WDR81: variants seen among roughly 807,000 people sequenced by gnomAD.
WDR81 encodes WD repeat domain 81, also known as WD repeat-containing protein 81.
A neutral mutation model predicts 140.8 loss-of-function variants in WDR81; 92 were observed. The ratio of observed to expected loss-of-function variants is 0.65; its 90% CI spans 0.55 to 0.78. WDR81 has a LOEUF of 0.78. Ranked by LOEUF, WDR81 falls within the 30% of genes least tolerant of loss-of-function variation. The pLI, the probability that WDR81 is intolerant of heterozygous loss-of-function variation, is 0.00. For missense variants in WDR81, 2,502 were observed against 2,636.4 expected, an observed-to-expected ratio of 0.95 and a Z score of 1.12; for synonymous variants, 1,183 against 1,156.4, an observed-to-expected ratio of 1.02 and a Z score of -0.47.
intron 4 of WDR81, 57 bp downstream of exon 4, chr17:1,731,315 G>GA: frequency 6.4e-7 from 1 of 1,555,572 alleles, no homozygotes; most frequent in African/African-American, 1.4e-5. Context: ...GGCTGCCCAG[G>GA]AGGGGGTGGG....
upstream of WDR81, among the ~76,000 whole-genome samples, chr17:1,721,676 G>T (rs1434816692): frequency 6.6e-6 from 1 of 150,958 alleles, no homozygotes; most frequent in Non-Finnish European, 1.5e-5. Context: ...CAAAAAATTA[G>T]CTGGATGTGG....
In WDR81 at chr17:1,730,849, C is replaced by T. The variant is rs141295588; in HGVS notation, c.3870C>T (p.Ile1290=). Residue 1290 remains isoleucine (I), a synonymous_variant, in exon 3 of 10, where the codon ATC becomes ATT. Transcript: ENST00000409644. ...AGAAGAGGCCGGTCCTGGGCGACATCGTGTCAGGGCCTGTGCTCAGCTGCC... is the reference window on the plus strand; with the variant it reads ...AGAAGAGGCCGGTCCTGGGCGACATTGTGTCAGGGCCTGTGCTCAGCTGCC... ...IYQKRPVLGD[I]VSGPVLSCLL... 9.9e-6 allele frequency: 16 copies of T among 1,612,732 alleles called. No individual in the cohort carries two copies. The highest frequency in any genetic ancestry group is 9.3e-5 in the African/African-American group (7 of 74,946).
chr17:1,734,231 G>A lies in WDR81; in HGVS notation c.5179+15G>A, dbSNP rs371953584. The A allele has an allele frequency of 5.8e-6, 9 of 1,554,406 alleles. No homozygotes were observed. Among genetic ancestry groups the A allele is most frequent in the Middle Eastern group, 1.7e-4 (1 of 5,844 alleles). On this transcript the variant is annotated intron_variant, in intron 7 of 9. Transcript: ENST00000409644. Reference sequence around the variant, plus strand: ...CCCCTTCACAGGTGAGCGGGCCCAGGTGAGGCCTGTTCTCTTCCTGCTCCT... The same window carrying A: ...CCCCTTCACAGGTGAGCGGGCCCAGATGAGGCCTGTTCTCTTCCTGCTCCT...
At position 1,727,660 on chromosome 17, in the gene WDR81, C is replaced by T. The variant is rs541642687; in HGVS notation, c.2701C>T (p.Leu901=). 4.5e-6 allele frequency: 7 copies of T among 1,550,448 alleles called. No homozygotes were observed. The highest frequency in any genetic ancestry group is 4.1e-5 in the African/African-American group (3 of 73,052). The change falls in exon 1 of 10, where the codon CTG becomes TTG. Residue 901 remains leucine (L), a synonymous_variant. Coordinates refer to ENST00000409644, the MANE Select transcript of WDR81 (RefSeq NM_001163809.2). ...RVEDEAQGRE[L]VFALWQQLGA... is the part of the protein sequence containing the mutation. ...GGAGGACGAGGCCCAGGGGCGCGAG[C>T]TGGTGTTTGCTCTGTGGCAGCAGCT...
At chr17:1,731,021 A>AG in intron 3 of WDR81, 47 bp from the exon 4 acceptor site, 1 of 1,605,330 alleles carries the variant, frequency 6.2e-7, no homozygotes, top group Non-Finnish European at 8.5e-7. Flanking sequence ...TCTTGGTGCC[A>AG]GGGGGTCTGT....
At position 1,730,764 on chromosome 17, in the gene WDR81, G is replaced by A. The variant is rs553042970; in HGVS notation, c.3785G>A (p.Arg1262Gln). The change falls in exon 3 of 10, where the codon CGG (arginine) becomes CAG (glutamine). Residue 1262 changes from arginine (R) to glutamine (Q), a missense_variant. Around this residue, in one of 3 missense-constraint regions of WDR81, gnomAD observed 1,737 missense variants for 1,843.0 expected, o/e 0.94. Transcript: ENST00000409644. ...LLTSCYVGPT[R>Q]QQFTVSSGES... ...GGCCCTTCCGTGGCAGGACCCACTC[G>A]GCAGCAGTTCACAGTGAGCAGTGGC... 1.7e-5 allele frequency: 27 copies of A among 1,608,966 alleles called. No homozygotes were observed. The East Asian group carries it at 2.9e-4, about 17-fold the overall frequency.
Position 1,737,840 on chromosome 17 carries a change from T to TG in WDR81, c.*160dup. On this transcript the variant is annotated 3_prime_UTR_variant, in exon 10 of 10. Transcript: ENST00000409644. ...TGCCAACTAGGGCCTGCAAATGGAG[T>TG]GGGGGAGTCCTGGCCCCTGAATCAC... The TG allele has an allele frequency of 1.0e-6, 1 of 963,546 alleles. No homozygotes were observed. Among genetic ancestry groups the TG allele is most frequent in the Non-Finnish European group, 1.5e-6 (1 of 668,584 alleles). 59.7% of individuals were successfully genotyped at this position (963,546 alleles called of 1,614,324 possible). A position where few individuals can be genotyped will look rare whatever the true frequency, so the allele number is the denominator to read the frequency against.
upstream of WDR81, among the ~76,000 whole-genome samples, chr17:1,721,885 A>G (rs1914883987): frequency 6.6e-6 from 1 of 151,870 alleles, no homozygotes; most frequent in Non-Finnish European, 1.5e-5. Context: ...GCACTTTGGA[A>G]GGCCAAGGCA....
In WDR81 at chr17:1,728,100, G is replaced by A. The variant is rs1211466411; in HGVS notation, c.3141G>A (p.Gly1047=). ...PGAGPGSCAF[G]EEIPMDGEPP... ...CCGGGCCTGGCTCCTGTGCTTTTGGGGAGGAGATTCCCATGGATGGGGAGC... is the reference window on the plus strand; with the variant it reads ...CCGGGCCTGGCTCCTGTGCTTTTGGAGAGGAGATTCCCATGGATGGGGAGC... Residue 1047 remains glycine (G), a synonymous_variant, in exon 1 of 10, where the codon GGG becomes GGA. Transcript: ENST00000409644. The A allele has an allele frequency of 6.2e-7, 1 of 1,602,740 alleles. No individual in the cohort carries two copies. The highest frequency in any genetic ancestry group is 8.5e-7 in the Non-Finnish European group (1 of 1,175,026).
chr17:1,724,869 C>T lies in WDR81; in HGVS notation c.-91C>T. 1 of 1,263,394 alleles carries T rather than the reference C, an allele frequency of 7.9e-7. No homozygotes were observed. The highest frequency in any genetic ancestry group is 9.9e-7 in the Non-Finnish European group (1 of 1,006,354). 78.3% of individuals were successfully genotyped at this position (1,263,394 alleles called of 1,614,324 possible). On this transcript the variant is annotated 5_prime_UTR_variant, in exon 1 of 10. Transcript: ENST00000409644. The stretch of plus-strand genomic sequence containing the variant: ...CCCCAGCCCCTGTCCCGCGCCCATC[C>T]CAGCCCCGCCGGCCTGGCACCCCGG...
chr17:1,730,474 G>C lies in WDR81; in HGVS notation c.3762G>C (p.Thr1254=), dbSNP rs767972244. The C allele has an allele frequency of 5.0e-6, 8 of 1,612,900 alleles. No homozygotes were observed. Among genetic ancestry groups the C allele is most frequent in the Non-Finnish European group, 5.9e-6 (7 of 1,179,828 alleles). The part of the protein sequence containing the change: ...HVARNLLRLL[T]SCYVGPTRQQ... ...CCCGGAACCTGCTCCGCCTGCTGAC[G>C]TCTTGTTATGTTGGTAAGGAGGCCT... The change falls in exon 2 of 10, where the codon ACG becomes ACC. Residue 1254 remains threonine (T), a synonymous_variant. Coordinates refer to ENST00000409644, the MANE Select transcript of WDR81 (RefSeq NM_001163809.2).
At position 1,725,101 on chromosome 17, in the gene WDR81, GC is replaced by G; in HGVS notation, c.146del (p.Pro49ArgfsTer9). ...CATCGATCCCAGGCAGCTGGCTCCGGCCCCGGGGGGCACCCACGTGGTGGCC... is the reference window on the plus strand; with the variant it reads ...CATCGATCCCAGGCAGCTGGCTCCGGCCCGGGGGGCACCCACGTGGTGGCC... Reference protein sequence around the residue: ...LSIDPRQLAPAPGGTHVVALV... With the variant: ...LSIDPRQLAPXPGGTHVVALV... On this transcript the variant is annotated frameshift_variant, in exon 1 of 10. Coordinates refer to ENST00000409644, the MANE Select transcript of WDR81 (RefSeq NM_001163809.2). LOFTEE classifies it high-confidence loss of function. 2 of 1,507,052 alleles carry G rather than the reference GC, an allele frequency of 1.3e-6. No homozygotes were observed. 93.4% of individuals were successfully genotyped at this position (1,507,052 alleles called of 1,614,324 possible).
Position 1,725,271 on chromosome 17 carries a change from C to T in WDR81, c.312C>T (p.Arg104=), listed in dbSNP as rs1417237267. The change falls in exon 1 of 10, where the codon CGC becomes CGT. Residue 104 remains arginine, a synonymous_variant. Coordinates refer to ENST00000409644, the MANE Select transcript of WDR81 (RefSeq NM_001163809.2). ...AAAGGCTGCCTGCCGGCTGGACGCGCGTGGAGGTGCATGGGCTGCGGAAGC... is the reference window on the plus strand; with the variant it reads ...AAAGGCTGCCTGCCGGCTGGACGCGTGTGGAGGTGCATGGGCTGCGGAAGC... ...SVQRLPAGWT[R]VEVHGLRKRR... is the part of the protein sequence containing the mutation. 3 of 1,545,426 alleles carry T rather than the reference C, an allele frequency of 1.9e-6. No homozygotes were observed. Among genetic ancestry groups the T allele is most frequent in the African/African-American group, 2.7e-5 (2 of 73,070 alleles).
At chr17:1,718,115 A>ATTT (rs530920493) in intron 1 of WDR81, among the ~76,000 whole-genome samples, 1 of 141,074 alleles carries the variant, frequency 7.1e-6, no homozygotes, top group Non-Finnish European at 1.6e-5. Flanking sequence ...CTCCTTATTT[A>ATTT]TTTTTTTTTT....
At chr17:1,729,762 A>C (rs895581688) in intron 1 of WDR81, among the ~76,000 whole-genome samples, 3 of 152,058 alleles carry the variant, frequency 2.0e-5, no homozygotes, top group Non-Finnish European at 2.9e-5. Context: ...GGAGATTGAG[A>C]CCATCCTGGC....
At chr17:1,717,931 C>T (rs1457981305) in intron 1 of WDR81, among the ~76,000 whole-genome samples, 2 of 151,960 alleles carry the variant, frequency 1.3e-5, no homozygotes, top group African/African-American at 4.8e-5. Flanking sequence ...GGGGAGGGTA[C>T]AGTGAACCCG....
Position 1,735,538 on chromosome 17 carries a change from G to A in WDR81, c.5180-34G>A. On this transcript the variant is annotated intron_variant, in intron 7 of 9. Transcript: ENST00000409644. The surrounding 1 kb of genome is among the most constrained non-coding windows in gnomAD (Gnocchi z 4.2). The stretch of plus-strand genomic sequence containing the variant: ...TCCCAGGGCTCTTCCGTCAGCTGCT[G>A]GGACCCCAGATCCACTGTGACTTTC... 6.4e-7 allele frequency: 1 copy of A among 1,554,034 alleles called. No homozygotes were observed. Among genetic ancestry groups the A allele is most frequent in the Non-Finnish European group, 8.7e-7 (1 of 1,147,474 alleles).
rs1904774671 is a variant in WDR81, at chr17:1,735,420, CT to C, written c.5180-151del. 9 of 861,984 alleles carry C rather than the reference CT, an allele frequency of 1.0e-5. No homozygotes were observed. The South Asian group carries it at 1.8e-4, about 17-fold the overall frequency. The allele number at this position is 861,984 out of a possible 1,614,324, so 53.4% of individuals were successfully genotyped here. Reference sequence around the variant, plus strand: ...CTCCAGCCTGGGCGACAAAGCGAGACTCCATCTCAAAAAAAGAGAAACATCT... The same window carrying C: ...CTCCAGCCTGGGCGACAAAGCGAGACCCATCTCAAAAAAAGAGAAACATCT... On this transcript the variant is annotated intron_variant, in intron 7 of 9. Coordinates refer to ENST00000409644, the MANE Select transcript of WDR81 (RefSeq NM_001163809.2). This position sits in a 1 kb window ranked among gnomAD's most constrained non-coding sequence, Gnocchi z 4.2.
chr17:1,725,237 G>A lies in WDR81; in HGVS notation c.278G>A (p.Arg93His). The A allele has an allele frequency of 1.9e-6, 3 of 1,541,564 alleles. No individual in the cohort carries two copies. Among genetic ancestry groups the A allele is most frequent in the Non-Finnish European group, 2.6e-6 (3 of 1,146,894 alleles). ...GCGGAAGTCAGGACTCTCCTGCAGC[G>A]CTCTGTGCAAAGGCTGCCTGCCGGC... ...GEAEVRTLLQ[R>H]SVQRLPAGWT... Residue 93 changes from arginine to histidine, a missense_variant, in exon 1 of 10, where the codon CGC becomes CAC. Arg to His is a conservative substitution (Grantham distance 29). This residue lies in a region of WDR81 where 547 missense variants were observed against 513.8 expected (regional missense o/e 1.06). Coordinates refer to ENST00000409644, the MANE Select transcript of WDR81 (RefSeq NM_001163809.2).
Sources: allele counts gnomAD v4.1 joint callset (sites outside exome capture counted in the v4.1 genomes callset), GRCh38; gene constraint gnomAD v4.1.1; regional missense constraint gnomAD v4.1.1; non-coding constraint Gnocchi (gnomAD v3.1); transcripts MANE v1.5; gene names NCBI Gene and HGNC (gene_info 2026-07-23, HGNC 2026-07-21).